DCLK1: variants seen among roughly 807,000 people sequenced by gnomAD.
DCLK1 encodes the protein doublecortin like kinase 1.
A neutral mutation model predicts 86.2 loss-of-function variants in DCLK1; 16 were observed. The ratio of observed to expected loss-of-function variants is 0.19; its 90% CI spans 0.13 to 0.28. The LOEUF is 0.28. Ranked by LOEUF, DCLK1 falls within the 10% of genes least tolerant of loss-of-function variation. The probability of loss-of-function intolerance (pLI) is 1.00; values close to 1 mark genes in which losing one functional copy is unlikely to be tolerated. For missense variants in DCLK1, 590 were observed against 940.2 expected (o/e 0.63, Z 4.87); for synonymous variants, 369 against 370.5 (o/e 1.00, Z 0.05).
At chr13:36,025,127 C>G (rs1881978596) in intron 3 of DCLK1, among the ~76,000 whole-genome samples, 1 of 152,074 alleles carries the variant, frequency 6.6e-6, no homozygotes, top group South Asian at 2.1e-4. Context: ...GCCACTGTGC[C>G]TGGCTAATTT....
At chr13:36,013,456 C>G (rs1263519046) in intron 3 of DCLK1, among the ~76,000 whole-genome samples, 1 of 152,126 alleles carries the variant, frequency 6.6e-6, no homozygotes, top group Admixed American at 6.5e-5. Context: ...AGACAGGACC[C>G]TCAGCTGCAG....
intron 4 of DCLK1, among the ~76,000 whole-genome samples, chr13:35,914,256 C>A (rs545966180): frequency 3.2e-4 from 48 of 149,378 alleles, no homozygotes; most frequent in Non-Finnish European, 5.5e-4. Context: ...GAGGTCGAGG[C>A]TGCAGTGAGC....
chr13:36,120,598 A>C (rs889153705), intron 2 of DCLK1, among the ~76,000 whole-genome samples: 9 of 152,164 alleles, frequency 5.9e-5, no homozygotes, highest in Admixed American at 3.3e-4. Flanking sequence ...ACACTATTAA[A>C]TGACACATGA....
intron 4 of DCLK1, among the ~76,000 whole-genome samples, chr13:35,923,742 T>G (rs1875941850): frequency 6.6e-6 from 1 of 152,060 alleles, no homozygotes; most frequent in African/African-American, 2.4e-5. Context: ...AGCATTAACG[T>G]GTTAGACATA....
chr13:36,074,509 A>T (rs1191973108), intron 3 of DCLK1, among the ~76,000 whole-genome samples: 1 of 107,370 alleles, frequency 9.3e-6, no homozygotes, highest in Non-Finnish European at 2.0e-5. Context: ...AAAAAAAAAA[A>T]AAAAAAAACA....
chr13:35,854,715 C>T, intron 5 of DCLK1, 122 bp from the exon 6 acceptor site: 2 of 714,382 alleles, frequency 2.8e-6, no homozygotes, highest in Non-Finnish European at 4.1e-6. Flanking sequence ...TCTAGACACC[C>T]TTCCATATGT....
chr13:36,021,285 T>C (rs1030690947), intron 3 of DCLK1, among the ~76,000 whole-genome samples: 1 of 150,928 alleles, frequency 6.6e-6, no homozygotes, highest in Non-Finnish European at 1.5e-5. Context: ...TTTAAAATTA[T>C]GTACTAGAAA....
At chr13:35,871,134 A>T in intron 5 of DCLK1, 90 bp downstream of exon 5, 1 of 1,083,044 alleles carries the variant, frequency 9.2e-7, no homozygotes, top group Non-Finnish European at 1.4e-6. Flanking sequence ...ACACTCGCTT[A>T]AAAACCTCAC....
intron 4 of DCLK1, among the ~76,000 whole-genome samples, chr13:35,886,551 A>G (rs977399856): frequency 1.3e-5 from 2 of 152,218 alleles, no homozygotes; most frequent in African/African-American, 4.8e-5. Flanking sequence ...AGAGTGCCAC[A>G]TGTGAGATCC....
chr13:36,130,259 G>A (rs1012492532), intron 1 of DCLK1, among the ~76,000 whole-genome samples: 1 of 152,030 alleles, frequency 6.6e-6, no homozygotes, highest in African/African-American at 2.4e-5. Flanking sequence ...ATATATTTAG[G>A]AACAGTCATA....
intron 16 of DCLK1, among the ~76,000 whole-genome samples, chr13:35,785,772 C>T (rs931504904): frequency 6.6e-6 from 1 of 152,152 alleles, no homozygotes; most frequent in South Asian, 2.1e-4. Flanking sequence ...GGATGCTCGC[C>T]TGTAATGATT....
At chr13:36,071,715 A>G (rs973362627) in intron 3 of DCLK1, among the ~76,000 whole-genome samples, 4 of 152,196 alleles carry the variant, frequency 2.6e-5, no homozygotes, top group Admixed American at 1.3e-4. Flanking sequence ...AAGAAACACT[A>G]AAGAATTTTC....
chr13:35,796,890 C>T (rs1192411720), intron 15 of DCLK1, among the ~76,000 whole-genome samples: 2 of 152,138 alleles, frequency 1.3e-5, no homozygotes, highest in Non-Finnish European at 2.9e-5. Context: ...GCTGAACAAA[C>T]CAGAGAATAT....
intron 3 of DCLK1, among the ~76,000 whole-genome samples, chr13:35,998,875 G>A (rs968573288): frequency 6.6e-6 from 1 of 152,004 alleles, no homozygotes; most frequent in African/African-American, 2.4e-5. Context: ...TTTATCACTG[G>A]GCAGTGAATC....
At chr13:35,908,847 G>A (rs1187626869) in intron 4 of DCLK1, among the ~76,000 whole-genome samples, 1 of 152,120 alleles carries the variant, frequency 6.6e-6, no homozygotes, top group East Asian at 1.9e-4. Context: ...TGTTGGCCAG[G>A]CTGGTCTTGA....
At position 35,797,664 on chromosome 13, in the gene DCLK1, A is replaced by AC. The variant is rs1566537420; in HGVS notation, c.1945-4186_1945-4185insG. ...GGAGTAGGTAAAACACATACATGTAAACACACACACACACACACCCCATGA... is the reference window on the plus strand; with the variant it reads ...GGAGTAGGTAAAACACATACATGTAACACACACACACACACACACCCCATGA... On this transcript the variant is annotated intron_variant, in intron 15 of 16. Coordinates refer to ENST00000360631, the MANE Select transcript of DCLK1 (RefSeq NM_001330071.2). Among the ~76,000 whole-genome samples, 558 of 151,036 alleles carry AC rather than the reference A, an allele frequency of 3.7e-3. 2 individuals carry two copies. Among genetic ancestry groups the AC allele is most frequent in the African/African-American group, 0.013 (529 of 41,234 alleles).
At position 35,965,777 on chromosome 13, in the gene DCLK1, A is replaced by ACT. The variant is rs150606426; in HGVS notation, c.724-18322_724-18321dup. ...TGGAGTAGAGCACTTGTATTCTCTC[A>ACT]CTCTCTCTCTCTCTCTCAGCCGTTT... On this transcript the variant is annotated intron_variant, in intron 3 of 16. Coordinates refer to ENST00000360631, the MANE Select transcript of DCLK1 (RefSeq NM_001330071.2). Among the ~76,000 whole-genome samples, 49 of 149,006 alleles carry ACT rather than the reference A, an allele frequency of 3.3e-4. 2 individuals are homozygous for ACT. Among genetic ancestry groups the ACT allele is most frequent in the East Asian group, 2.2e-3 (11 of 5,056 alleles).
chr13:35,839,138 G>A lies in DCLK1; in HGVS notation c.1074C>T (p.Ser358=). Residue 358 remains serine, a synonymous_variant, in exon 7 of 17, where the codon TCC becomes TCT. Coordinates refer to ENST00000360631, the MANE Select transcript of DCLK1 (RefSeq NM_001330071.2). ...CATCCATCGAGCTGCAGACTTTGGT[G>A]GACGCAAGTGACGTAGAGGAGCCGC... ...QHGGSSTSLA[S]TKVCSSMDEN... 1.3e-6 allele frequency: 2 copies of A among 1,595,740 alleles called. No homozygotes were observed. Among genetic ancestry groups the A allele is most frequent in the Non-Finnish European group, 1.7e-6 (2 of 1,171,340 alleles).
intron 3 of DCLK1, among the ~76,000 whole-genome samples, chr13:35,954,891 A>G (rs1482155542): frequency 6.6e-6 from 1 of 152,172 alleles, no homozygotes; most frequent in Non-Finnish European, 1.5e-5. Flanking sequence ...AGGAGATAAC[A>G]CTCAAACTAA....
Sources: allele counts gnomAD v4.1 joint callset (sites outside exome capture counted in the v4.1 genomes callset), GRCh38; gene constraint gnomAD v4.1.1; transcripts MANE v1.5; gene names NCBI Gene and HGNC (gene_info 2026-07-23, HGNC 2026-07-21).